PITPNC1: variants seen among roughly 807,000 people sequenced by gnomAD.
PITPNC1 encodes cytoplasmic phosphatidylinositol transfer protein 1.
A neutral mutation model predicts 44.7 loss-of-function variants in PITPNC1; 18 were observed. The observed-to-expected ratio is 0.40, with a 90% CI of 0.28 to 0.60. The LOEUF (loss-of-function observed/expected upper bound fraction) is 0.60. Among genes scored for constraint, PITPNC1 ranks in the 20% least tolerant of loss-of-function variants. The pLI, the probability that PITPNC1 is intolerant of heterozygous loss-of-function variation, is 0.39. For synonymous variants in PITPNC1, 141 were observed against 149.6 expected (o/e 0.94, Z 0.42); for missense variants, 290 against 418.4 (o/e 0.69, Z 2.68).
intron 1 of PITPNC1, among the ~76,000 whole-genome samples, chr17:67,414,249 A>G (rs946935369): frequency 6.6e-6 from 1 of 152,184 alleles, no homozygotes; most frequent in African/African-American, 2.4e-5. Flanking sequence ...ATTAAAAGCA[A>G]CTGTGCCTGC....
intron 1 of PITPNC1, among the ~76,000 whole-genome samples, chr17:67,382,082 G>C (rs1216160880): frequency 6.6e-6 from 1 of 152,168 alleles, no homozygotes; most frequent in Non-Finnish European, 1.5e-5. Context: ...TCCTTACTCT[G>C]CTTTTTGCCT....
At chr17:67,381,468 C>CTTT (rs1180701616) in intron 1 of PITPNC1, among the ~76,000 whole-genome samples, 2 of 135,650 alleles carry the variant, frequency 1.5e-5, no homozygotes, top group African/African-American at 5.4e-5. Flanking sequence ...GTTTCTCTCT[C>CTTT]TTTTTTTTTT....
chr17:67,632,467 C>T (rs2041982823), intron 6 of PITPNC1: 2 of 559,604 alleles, frequency 3.6e-6, no homozygotes, highest in East Asian at 3.0e-5. Flanking sequence ...TTCCTGTCTC[C>T]CAACTCTGCC....
intron 1 of PITPNC1, among the ~76,000 whole-genome samples, chr17:67,498,769 T>C (rs904013949): frequency 6.6e-6 from 1 of 152,134 alleles, no homozygotes; most frequent in East Asian, 1.9e-4. Context: ...CCCATTGTGG[T>C]TTTGATTTGC....
chr17:67,694,713 G>A lies in PITPNC1; in HGVS notation c.*1825G>A, dbSNP rs1283159192. ...CTTCCCTAAGAATGATAGTATCTTA[G>A]TAAGACACCTTCTATGCATGGTATG... On this transcript the variant is annotated 3_prime_UTR_variant, in exon 9 of 9. Transcript: ENST00000581322. 1 of 152,148 alleles carries A rather than the reference G, an allele frequency of 6.6e-6. No homozygotes were observed. The highest frequency in any genetic ancestry group is 2.4e-5 in the African/African-American group (1 of 41,438). The allele number at this position is 152,148 out of a possible 1,614,324, so 9.4% of individuals were successfully genotyped here.
intron 5 of PITPNC1, among the ~76,000 whole-genome samples, chr17:67,621,226 A>ATTTTATTTTATTTT (rs1567743343): frequency 3.1e-4 from 46 of 150,324 alleles, no homozygotes; most frequent in South Asian, 4.2e-4. Flanking sequence ...ATTTTATTTT[A>ATTTTATTTTATTTT]AGACAAAGTT....
At chr17:67,543,843 C>T (rs779763342) in intron 2 of PITPNC1, among the ~76,000 whole-genome samples, 10 of 152,102 alleles carry the variant, frequency 6.6e-5, no homozygotes, top group Non-Finnish European at 1.2e-4. Flanking sequence ...TACATTAGTA[C>T]TAATACAATA....
chr17:67,395,538 A>G (rs892671279), intron 1 of PITPNC1, among the ~76,000 whole-genome samples: 3 of 152,228 alleles, frequency 2.0e-5, no homozygotes, highest in Admixed American at 6.5e-5. Flanking sequence ...TAAATTTCCT[A>G]TAGTTAGTTC....
intron 1 of PITPNC1, among the ~76,000 whole-genome samples, chr17:67,385,573 C>A (rs966485881): frequency 1.0e-4 from 15 of 150,584 alleles, no homozygotes; most frequent in Non-Finnish European, 1.9e-4. Context: ...AATCTTCCTG[C>A]TGTCCGCTCT....
At chr17:67,576,311 C>T (rs937088689) in intron 4 of PITPNC1, among the ~76,000 whole-genome samples, 12 of 152,266 alleles carry the variant, frequency 7.9e-5, no homozygotes, top group African/African-American at 2.9e-4. Flanking sequence ...AGGCCATTTA[C>T]TTACCCTCTC....
intron 6 of PITPNC1, among the ~76,000 whole-genome samples, chr17:67,658,128 A>G (rs1182298711): frequency 6.6e-6 from 1 of 152,206 alleles, no homozygotes; most frequent in African/African-American, 2.4e-5. Flanking sequence ...AGCTCAGACT[A>G]TGGCCCTGGT....
intron 6 of PITPNC1, among the ~76,000 whole-genome samples, chr17:67,643,617 C>T (rs1485913890): frequency 3.3e-5 from 5 of 152,184 alleles, no homozygotes; most frequent in African/African-American, 4.8e-5. Context: ...GTGGTGAGGG[C>T]CCTGGCTCTG....
chr17:67,590,819 G>C (rs141799004), intron 5 of PITPNC1, among the ~76,000 whole-genome samples: 1,762 of 152,164 alleles, frequency 0.012, 10 homozygotes, highest in Middle Eastern at 0.058. Context: ...CGGGCGTGGT[G>C]GTGGGCACCT....
At chr17:67,529,501 A>G (rs1271255409) in intron 1 of PITPNC1, among the ~76,000 whole-genome samples, 1 of 152,226 alleles carries the variant, frequency 6.6e-6, no homozygotes, top group African/African-American at 2.4e-5. Context: ...GTTAAAGGGA[A>G]CAATCAGTGG....
intron 1 of PITPNC1, among the ~76,000 whole-genome samples, chr17:67,393,543 C>G (rs909009523): frequency 1.3e-5 from 2 of 152,106 alleles, no homozygotes; most frequent in Non-Finnish European, 2.9e-5. Flanking sequence ...AAAATGACAA[C>G]ATGGACGCAT....
At chr17:67,619,306 C>A (rs549018660) in intron 5 of PITPNC1, among the ~76,000 whole-genome samples, 1 of 152,304 alleles carries the variant, frequency 6.6e-6, no homozygotes, top group African/African-American at 2.4e-5. Context: ...AGAGTTCTAT[C>A]TGGAAGTTTA....
chr17:67,408,032 C>T (rs181835078), intron 1 of PITPNC1, among the ~76,000 whole-genome samples: 3 of 151,848 alleles, frequency 2.0e-5, no homozygotes, highest in South Asian at 4.2e-4. Context: ...CTCGATTGAA[C>T]GCAACCTCCG....
rs568878934 is a variant in PITPNC1 at position 67,450,099 on chromosome 17, T to A, written c.48+71897T>A. Among the ~76,000 whole-genome samples, 8 of 152,372 alleles carry A rather than the reference T, an allele frequency of 5.3e-5. No individual in the cohort carries two copies. The South Asian group carries it at 1.7e-3, about 32-fold the overall frequency. On this transcript the variant is annotated intron_variant, in intron 1 of 8. Transcript: ENST00000581322. ...GAACAAGTCACATAAACAACACTTA[T>A]ACTTCCTGTAAACCCAATTAAAACC...
chr17:67,651,994 CAT>C (rs754964213), intron 6 of PITPNC1, among the ~76,000 whole-genome samples: 1 of 152,192 alleles, frequency 6.6e-6, no homozygotes, highest in Non-Finnish European at 1.5e-5. Flanking sequence ...AAAAATCTGA[CAT>C]GTGATATGTG....
Sources: gnomAD v4.1 joint callset for allele counts (sites outside exome capture counted in the v4.1 genomes callset) on GRCh38, gnomAD v4.1.1 for gene constraint, MANE v1.5 for transcripts, NCBI Gene and HGNC (gene_info 2026-07-23, HGNC 2026-07-21) for gene names.